Variants in FOXK1 observed in about 807,000 individuals in gnomAD.
FOXK1 encodes forkhead box K1.
A neutral mutation model predicts 51.9 loss-of-function variants in FOXK1; 19 were observed. That is an observed-to-expected ratio of 0.37 (90% CI 0.26 to 0.54). The LOEUF (loss-of-function observed/expected upper bound fraction) is 0.54, where lower values mean the gene tolerates loss of function less well. Ranked by LOEUF, FOXK1 falls within the 20% of genes least tolerant of loss-of-function variation. The pLI is 0.87. For missense variants in FOXK1, 870 were observed against 1,032.7 expected, an observed-to-expected ratio of 0.84 and a Z score of 2.16; for synonymous variants, 537 against 482.6, an observed-to-expected ratio of 1.11 and a Z score of -1.48.
rs529235986 is a variant in FOXK1, at chr7:4,715,511, T to C, written c.561-25327T>C. On this transcript the variant is annotated intron_variant, in intron 1 of 8. Coordinates refer to ENST00000328914, the MANE Select transcript of FOXK1 (RefSeq NM_001037165.2). The surrounding 1 kb of genome is among the most constrained non-coding windows in gnomAD (Gnocchi z 4.5). ...GCGGTAGGAGCTGGAATGCCCGAGC[T>C]CTGAGAAGCTCTTCATCTATCAGCA... is the stretch of plus-strand genomic sequence containing the variant. Among the ~76,000 whole-genome samples the C allele has an allele frequency of 6.6e-6, 1 of 152,288 alleles. No homozygotes were observed. The highest frequency in any genetic ancestry group is 6.5e-5 in the Admixed American group (1 of 15,302).
rs1780514631 is a variant in FOXK1 at position 4,733,964 on chromosome 7, G to A, written c.561-6874G>A. Reference sequence around the variant, plus strand: ...GACTTCCCCCAGAGCTCATCTGGGTGGCAGGTGCTGGCCACGTGGAGTCTG... The same window carrying A: ...GACTTCCCCCAGAGCTCATCTGGGTAGCAGGTGCTGGCCACGTGGAGTCTG... On this transcript the variant is annotated intron_variant, in intron 1 of 8. Coordinates refer to ENST00000328914, the MANE Select transcript of FOXK1 (RefSeq NM_001037165.2). This position sits in a 1 kb window ranked among gnomAD's most constrained non-coding sequence, Gnocchi z 5.0. 6.8e-6 allele frequency among the ~76,000 whole-genome samples: 1 copy of A among 147,404 alleles called. No individual in the cohort carries two copies. Among genetic ancestry groups the A allele is most frequent in the Non-Finnish European group, 1.5e-5 (1 of 67,994 alleles).
At chr7:4,694,832 C>T (rs1452929940) in intron 1 of FOXK1, among the ~76,000 whole-genome samples, 2 of 152,162 alleles carry the variant, frequency 1.3e-5, no homozygotes, top group African/African-American at 2.4e-5. Flanking sequence ...AACTGACGCC[C>T]GGATAAATGC....
At chr7:4,714,114 C>A (rs1780206895) in intron 1 of FOXK1, among the ~76,000 whole-genome samples, 2 of 152,330 alleles carry the variant, frequency 1.3e-5, no homozygotes, top group Admixed American at 1.3e-4. Flanking sequence ...ATGTCAGCCA[C>A]TGTGCCCAGC....
chr7:4,716,023 G>T (rs547354675), intron 1 of FOXK1, among the ~76,000 whole-genome samples: 2 of 152,246 alleles, frequency 1.3e-5, no homozygotes, highest in South Asian at 4.1e-4. Flanking sequence ...CTTGAGGTAA[G>T]GAGTTCAAGA....
intron 1 of FOXK1, among the ~76,000 whole-genome samples, chr7:4,696,144 G>GCTGAGT (rs967695914): frequency 1.3e-5 from 2 of 150,818 alleles, no homozygotes; most frequent in African/African-American, 2.4e-5. Flanking sequence ...AGAATCTTGT[G>GCTGAGT]CTGAGTCTGA....
At position 4,731,964 on chromosome 7, in the gene FOXK1, G is replaced by C. The variant is rs1780483731; in HGVS notation, c.561-8874G>C. Among the ~76,000 whole-genome samples, 2 of 152,216 alleles carry C rather than the reference G, an allele frequency of 1.3e-5. No individual in the cohort carries two copies. The highest frequency in any genetic ancestry group is 4.8e-5 in the African/African-American group (2 of 41,458). On this transcript the variant is annotated intron_variant, in intron 1 of 8. Coordinates refer to ENST00000328914, the MANE Select transcript of FOXK1 (RefSeq NM_001037165.2). The surrounding 1 kb of genome is among the most constrained non-coding windows in gnomAD (Gnocchi z 5.3). ...CTGAGGCCACACGGAGGCCGGGCTG[G>C]CCAGGGCGGGGCTCAGATTCAGTGA...
At position 4,768,036 on chromosome 7, in the gene FOXK1, C is replaced by A. The variant is rs1056876694; in HGVS notation, c.*5572C>A. ...CACCCAAACCCCGAAGTCACAGCTG[C>A]TTAGAAGAATGGGATTTTGGGGATA... On this transcript the variant is annotated 3_prime_UTR_variant, in exon 9 of 9. Coordinates refer to ENST00000328914, the MANE Select transcript of FOXK1 (RefSeq NM_001037165.2). 1.3e-5 allele frequency: 2 copies of A among 150,188 alleles called. No homozygotes were observed. Among genetic ancestry groups the A allele is most frequent in the African/African-American group, 4.9e-5 (2 of 40,810 alleles). 9.3% of individuals were successfully genotyped at this position (150,188 alleles called of 1,614,324 possible).
At position 4,715,626 on chromosome 7, in the gene FOXK1, G is replaced by A. The variant is rs867140492; in HGVS notation, c.561-25212G>A. 2.6e-5 allele frequency among the ~76,000 whole-genome samples: 4 copies of A among 152,186 alleles called. No homozygotes were observed. The highest frequency in any genetic ancestry group is 6.5e-5 in the Admixed American group (1 of 15,280). ...GGTGTTGTGAAATACGGAACTTGGC[G>A]AGTTCTTGCGGCCATCCCTTTTGTT... is the stretch of plus-strand genomic sequence containing the variant. On this transcript the variant is annotated intron_variant, in intron 1 of 8. Coordinates refer to ENST00000328914, the MANE Select transcript of FOXK1 (RefSeq NM_001037165.2). The surrounding 1 kb of genome is among the most constrained non-coding windows in gnomAD (Gnocchi z 4.5).
rs1003238587 is a variant in FOXK1 at position 4,766,866 on chromosome 7, G to A, written c.*4402G>A. On this transcript the variant is annotated 3_prime_UTR_variant, in exon 9 of 9. Transcript: ENST00000328914. This position sits in a 1 kb window ranked among gnomAD's most constrained non-coding sequence, Gnocchi z 5.5. ...CCAGAAAGCCCCGGGTGAGGGCTCCGTCTTGAGAGAGAGAGAAATCCCTTC... is the reference window on the plus strand; with the variant it reads ...CCAGAAAGCCCCGGGTGAGGGCTCCATCTTGAGAGAGAGAGAAATCCCTTC... 5.9e-5 allele frequency: 9 copies of A among 152,056 alleles called. No homozygotes were observed. The highest frequency in any genetic ancestry group is 2.2e-4 in the African/African-American group (9 of 41,262). The allele number at this position is 152,056 out of a possible 1,614,324, so 9.4% of individuals were successfully genotyped here.
chr7:4,751,628 G>A (rs1009647182), intron 2 of FOXK1, among the ~76,000 whole-genome samples: 3 of 152,262 alleles, frequency 2.0e-5, no homozygotes, highest in African/African-American at 7.2e-5. Flanking sequence ...CAGCCCCGTG[G>A]CCGAGGCCCG....
chr7:4,726,268 C>T (rs1460506408), intron 1 of FOXK1, among the ~76,000 whole-genome samples: 1 of 152,190 alleles, frequency 6.6e-6, no homozygotes, highest in African/African-American at 2.4e-5. Context: ...GAGACCTGTG[C>T]TGCAGACCGT....
intron 1 of FOXK1, among the ~76,000 whole-genome samples, chr7:4,687,677 G>C (rs1038552876): frequency 2.0e-5 from 3 of 152,148 alleles, no homozygotes; most frequent in Admixed American, 6.6e-5. Flanking sequence ...TCATGAACCT[G>C]AGACCCTGTG....
At position 4,722,092 on chromosome 7, in the gene FOXK1, C is replaced by T. The variant is rs867259465; in HGVS notation, c.561-18746C>T. ...AGCAGCCTCATGCCTGTGGGTGGGA[C>T]GTGCTAGAGGAGGGGACTTTGGTGG... On this transcript the variant is annotated intron_variant, in intron 1 of 8. Coordinates refer to ENST00000328914, the MANE Select transcript of FOXK1 (RefSeq NM_001037165.2). This position sits in a 1 kb window ranked among gnomAD's most constrained non-coding sequence, Gnocchi z 5.1. Among the ~76,000 whole-genome samples the T allele has an allele frequency of 4.6e-5, 7 of 152,290 alleles. No homozygotes were observed. Among genetic ancestry groups the T allele is most frequent in the Middle Eastern group, 3.4e-3 (1 of 294 alleles).
Position 4,740,901 on chromosome 7 carries a change from AGAG to A in FOXK1, c.626_628del (p.Glu209del). 6 of 1,591,432 alleles carry A rather than the reference AGAG, an allele frequency of 3.8e-6. No homozygotes were observed. The highest frequency in any genetic ancestry group is 5.1e-6 in the Non-Finnish European group (6 of 1,170,398). Reference sequence around the variant, plus strand: ...AGTTCACGTCGCTCTATCACAAAGAAGAGGCCCCAGCCTCCCCGCTGCGGCCAC... The same window carrying A: ...AGTTCACGTCGCTCTATCACAAAGAAGCCCCAGCCTCCCCGCTGCGGCCAC... On this transcript the variant is annotated inframe_deletion, in exon 2 of 9. Coordinates refer to ENST00000328914, the MANE Select transcript of FOXK1 (RefSeq NM_001037165.2).
intron 1 of FOXK1, among the ~76,000 whole-genome samples, chr7:4,693,806 A>G (rs1438878374): frequency 6.6e-6 from 1 of 151,896 alleles, no homozygotes; most frequent in Admixed American, 6.6e-5. Flanking sequence ...GGCTCAAGTG[A>G]TCCTCTAGCC....
rs2115065941 is a variant in FOXK1, at chr7:4,748,164, A to G, written c.747-6295A>G. 6.6e-6 allele frequency among the ~76,000 whole-genome samples: 1 copy of G among 152,338 alleles called. No individual in the cohort carries two copies. The highest frequency in any genetic ancestry group is 6.5e-5 in the Admixed American group (1 of 15,308). The stretch of plus-strand genomic sequence containing the variant: ...ATCTATCTATCTATATGCATCTTAC[A>G]AAATGCAAACATTTCAGAAAGTGAA... On this transcript the variant is annotated intron_variant, in intron 2 of 8. Coordinates refer to ENST00000328914, the MANE Select transcript of FOXK1 (RefSeq NM_001037165.2). This position sits in a 1 kb window ranked among gnomAD's most constrained non-coding sequence, Gnocchi z 4.9.
In FOXK1 at chr7:4,722,627, G is replaced by A. The variant is rs1180451402; in HGVS notation, c.561-18211G>A. Among the ~76,000 whole-genome samples the A allele has an allele frequency of 1.3e-5, 2 of 152,238 alleles. No homozygotes were observed. The highest frequency in any genetic ancestry group is 2.1e-4 in the South Asian group (1 of 4,832). ...GCACGTCAGCCGCACACTCATGCAC[G>A]TTCATGTGCTGTCTCTAGTGTTTTC... On this transcript the variant is annotated intron_variant, in intron 1 of 8. Transcript: ENST00000328914. This position sits in a 1 kb window ranked among gnomAD's most constrained non-coding sequence, Gnocchi z 5.1.
intron 1 of FOXK1, among the ~76,000 whole-genome samples, chr7:4,699,549 G>A (rs1283229125): frequency 6.6e-6 from 1 of 151,720 alleles, no homozygotes; most frequent in Non-Finnish European, 1.5e-5. Context: ...TGTATTTTTA[G>A]TAGAGACAGG....
intron 1 of FOXK1, among the ~76,000 whole-genome samples, chr7:4,694,354 C>T (rs143286715): frequency 3.9e-4 from 59 of 152,220 alleles, no homozygotes; most frequent in African/African-American, 1.4e-3. Flanking sequence ...TTTCTCCCTC[C>T]CCAGTCTGAT....
Sources: allele counts gnomAD v4.1 joint callset (sites outside exome capture counted in the v4.1 genomes callset), GRCh38; gene constraint gnomAD v4.1.1; non-coding constraint Gnocchi (gnomAD v3.1); transcripts MANE v1.5; gene names NCBI Gene and HGNC (gene_info 2026-07-23, HGNC 2026-07-21).